BCKDHB: variants seen among roughly 807,000 people sequenced by gnomAD.
BCKDHB encodes the protein branched chain keto acid dehydrogenase E1 subunit beta.
BCKDHB carries 41 observed loss-of-function variants against 48.5 expected under a neutral mutation model. The ratio of observed to expected loss-of-function variants is 0.85; its 90% CI spans 0.66 to 1.10. BCKDHB has a LOEUF of 1.10. BCKDHB is among the 50% of genes least tolerant of loss of function. The probability of loss-of-function intolerance (pLI) is 0.00; values close to 1 mark genes in which losing one functional copy is unlikely to be tolerated. For missense variants in BCKDHB, 496 were observed against 494.2 expected (o/e 1.00, Z -0.03); for synonymous variants, 201 against 174.8 (o/e 1.15, Z -1.18).
At chr6:80,211,970 G>A (rs1774955793) in intron 8 of BCKDHB, among the ~76,000 whole-genome samples, 2 of 152,064 alleles carry the variant, frequency 1.3e-5, no homozygotes, top group Non-Finnish European at 2.9e-5. Context: ...AAGGCAAAAA[G>A]CAGAACTACT....
rs1770175608 is a variant in BCKDHB, at chr6:80,345,862, C to T, written c.*2058C>T. 6.6e-6 allele frequency: 1 copy of T among 151,668 alleles called. No individual in the cohort carries two copies. The highest frequency in any genetic ancestry group is 6.6e-5 in the Admixed American group (1 of 15,248). 9.4% of individuals were successfully genotyped at this position (151,668 alleles called of 1,614,324 possible). Reference sequence around the variant, plus strand: ...TGAAACATAAGAAAAACATTTAAACCTATGCTGAAAATACGATAAAAGAAA... The same window carrying T: ...TGAAACATAAGAAAAACATTTAAACTTATGCTGAAAATACGATAAAAGAAA... On this transcript the variant is annotated 3_prime_UTR_variant, in exon 10 of 10. Coordinates refer to ENST00000320393, the MANE Select transcript of BCKDHB (RefSeq NM_183050.4).
chr6:80,415,987 G>C, the BCKDHB span, among the ~76,000 whole-genome samples: 6 of 151,100 alleles, frequency 4.0e-5, no homozygotes, highest in East Asian at 1.2e-3. Flanking sequence ...ATTTCTTCCT[G>C]GTTCTGTTTT....
the BCKDHB span, among the ~76,000 whole-genome samples, chr6:80,439,688 CAAGT>C: frequency 2.7e-3 from 412 of 152,252 alleles, 2 homozygotes; most frequent in African/African-American, 9.6e-3. Flanking sequence ...AAAGTATACA[CAAGT>C]AAGCCTAAGA....
At chr6:80,395,955 G>A in the BCKDHB span, among the ~76,000 whole-genome samples, 3 of 152,170 alleles carry the variant, frequency 2.0e-5, no homozygotes, top group African/African-American at 4.8e-5. Context: ...TTACACGTGG[G>A]TGCAAAGAAG....
intron 8 of BCKDHB, among the ~76,000 whole-genome samples, chr6:80,261,092 G>A (rs1777281714): frequency 6.6e-6 from 1 of 152,126 alleles, no homozygotes; most frequent in African/African-American, 2.4e-5. Flanking sequence ...ATTACTTCTT[G>A]AGGTCATGAG....
the BCKDHB span, among the ~76,000 whole-genome samples, chr6:80,434,102 A>G: frequency 6.6e-6 from 1 of 151,808 alleles, no homozygotes; most frequent in African/African-American, 2.4e-5. Flanking sequence ...ATATATGTAT[A>G]TGTGTCAACT....
chr6:80,164,157 A>G (rs959117873), intron 3 of BCKDHB, among the ~76,000 whole-genome samples: 4 of 152,240 alleles, frequency 2.6e-5, no homozygotes, highest in Middle Eastern at 6.8e-3. Flanking sequence ...CTCTCACAGT[A>G]AAAGAGGGTT....
the BCKDHB span, among the ~76,000 whole-genome samples, chr6:80,421,798 G>A: frequency 2.0e-5 from 3 of 152,168 alleles, no homozygotes; most frequent in Non-Finnish European, 4.4e-5. Flanking sequence ...TGACCTGGCT[G>A]ATTCCAAAAG....
chr6:80,226,260 C>T (rs1207410063), intron 8 of BCKDHB, among the ~76,000 whole-genome samples: 3 of 152,164 alleles, frequency 2.0e-5, no homozygotes, highest in African/African-American at 7.2e-5. Context: ...TCCAGTAATA[C>T]ATTCCATATA....
At chr6:80,365,400 C>T in the BCKDHB span, among the ~76,000 whole-genome samples, 1 of 152,140 alleles carries the variant, frequency 6.6e-6, no homozygotes, top group East Asian at 1.9e-4. Context: ...ATAAGACAGA[C>T]ATTCCCAGAG....
intron 8 of BCKDHB, among the ~76,000 whole-genome samples, chr6:80,230,023 GTTGT>G (rs1433704903): frequency 2.8e-4 from 25 of 89,486 alleles, no homozygotes; most frequent in East Asian, 2.2e-3. Context: ...GGGTTTTTAG[GTTGT>G]TTTTTTTTTT....
chr6:80,294,217 T>C lies in BCKDHB; in HGVS notation c.1038+20996T>C, dbSNP rs981144754. 4.6e-5 allele frequency among the ~76,000 whole-genome samples: 7 copies of C among 152,194 alleles called. No individual in the cohort carries two copies. The South Asian group carries it at 8.3e-4, about 18-fold the overall frequency. On this transcript the variant is annotated intron_variant, in intron 9 of 9. Coordinates refer to ENST00000320393, the MANE Select transcript of BCKDHB (RefSeq NM_183050.4). ...ATAAATTGTGAAGATTTCATGGACA[T>C]TTATCGGTTCTCAAATAATACTTTT... is the stretch of plus-strand genomic sequence containing the variant.
chr6:80,273,323 T>C, intron 9 of BCKDHB, 102 bp downstream of exon 9: 1 of 1,018,722 alleles, frequency 9.8e-7, no homozygotes, highest in South Asian at 1.3e-5. Context: ...GCATACACTT[T>C]ATGGAAATGT....
At chr6:80,224,209 T>C (rs973172448) in intron 8 of BCKDHB, among the ~76,000 whole-genome samples, 1 of 152,142 alleles carries the variant, frequency 6.6e-6, no homozygotes, top group Non-Finnish European at 1.5e-5. Context: ...TTCATGGGAC[T>C]CTAATGCTCC....
intron 8 of BCKDHB, among the ~76,000 whole-genome samples, chr6:80,220,332 TCCTTCA>T (rs1775370045): frequency 6.8e-6 from 1 of 147,876 alleles, no homozygotes. Flanking sequence ...TCATGTATTT[TCCTTCA>T]GTTGTTACGG....
the BCKDHB span, among the ~76,000 whole-genome samples, chr6:80,412,378 C>T: frequency 6.6e-6 from 1 of 151,974 alleles, no homozygotes; most frequent in Non-Finnish European, 1.5e-5. Context: ...AACTCCTGAC[C>T]TCAAATGATC....
chr6:80,304,303 G>C (rs1426433001), intron 9 of BCKDHB, among the ~76,000 whole-genome samples: 2 of 152,050 alleles, frequency 1.3e-5, no homozygotes, highest in Non-Finnish European at 1.5e-5. Flanking sequence ...TTTTGCCATT[G>C]CTACATTTTG....
intron 9 of BCKDHB, among the ~76,000 whole-genome samples, chr6:80,314,691 C>A: frequency 6.6e-6 from 1 of 152,026 alleles, no homozygotes. Flanking sequence ...AGGCTGGAAC[C>A]GCTGAGTCGT....
chr6:80,162,974 G>A (rs1772393216), intron 3 of BCKDHB, among the ~76,000 whole-genome samples: 1 of 151,530 alleles, frequency 6.6e-6, no homozygotes, highest in Admixed American at 6.6e-5. Context: ...CCAGGGTGGA[G>A]TGCAGTGGTG....
Sources: gnomAD v4.1 joint callset for allele counts (sites outside exome capture counted in the v4.1 genomes callset) on GRCh38, gnomAD v4.1.1 for gene constraint, MANE v1.5 for transcripts, NCBI Gene and HGNC (gene_info 2026-07-23, HGNC 2026-07-21) for gene names.